The following ACTN2 variants were observed in gnomAD, a reference collection of about 807,000 sequenced individuals.
ACTN2 encodes the protein actinin alpha 2.
A neutral mutation model predicts 113.8 loss-of-function variants in ACTN2; 39 were observed. That is an observed-to-expected ratio of 0.34 (90% CI 0.27 to 0.45). ACTN2 has a LOEUF of 0.45. ACTN2 is among the 20% of genes least tolerant of loss of function. The probability of loss-of-function intolerance (pLI) is 1.00; values close to 1 mark genes in which losing one functional copy is unlikely to be tolerated. For missense variants in ACTN2, 992 were observed against 1,177.9 expected (o/e 0.84, Z 2.31); for synonymous variants, 429 against 444.1 (o/e 0.97, Z 0.43).
chr1:236,736,744 C>G, intron 8 of ACTN2: 1 of 965,498 alleles, frequency 1.0e-6, no homozygotes, highest in Non-Finnish European at 1.6e-6. Flanking sequence ...GAGTCTCCAT[C>G]CCATCGTCAT....
chr1:236,757,527 C>T lies in ACTN2; in HGVS notation c.2196C>T (p.Ala732=), dbSNP rs1558250284. Residue 732 remains alanine (A), a synonymous_variant, in exon 18 of 21, where the codon GCC becomes GCT. Transcript: ENST00000366578. Reference sequence around the variant, plus strand: ...GGGAGCTGCTGCTGACAACCATCGCCAGAACCATCAATGAGGTGGAGACTC... The same window carrying T: ...GGGAGCTGCTGCTGACAACCATCGCTAGAACCATCAATGAGGTGGAGACTC... ...VGWELLLTTI[A]RTINEVETQI... is the part of the protein sequence containing the mutation. 4 of 1,614,142 alleles carry T rather than the reference C, an allele frequency of 2.5e-6. No individual in the cohort carries two copies. The South Asian group carries it at 3.3e-5, about 13-fold the overall frequency.
chr1:236,748,343 C>G (rs530972307), intron 13 of ACTN2, among the ~76,000 whole-genome samples: 7 of 152,186 alleles, frequency 4.6e-5, no homozygotes, highest in African/African-American at 1.7e-4. Context: ...TCTGATGATA[C>G]TTTTGAGATA....
At chr1:236,747,112 A>G (rs1572139547) in intron 12 of ACTN2, among the ~76,000 whole-genome samples, 1 of 152,186 alleles carries the variant, frequency 6.6e-6, no homozygotes, top group Non-Finnish European at 1.5e-5. Context: ...GGACATTGCC[A>G]CTTAGAAATA....
At chr1:236,700,632 T>G (rs1657645668) in intron 1 of ACTN2, among the ~76,000 whole-genome samples, 1 of 152,184 alleles carries the variant, frequency 6.6e-6, no homozygotes, top group South Asian at 2.1e-4. Flanking sequence ...CTGCTTCGAG[T>G]GATAAGCCTG....
At chr1:236,704,775 T>C (rs1657776996) in intron 1 of ACTN2, among the ~76,000 whole-genome samples, 1 of 152,148 alleles carries the variant, frequency 6.6e-6, no homozygotes. Context: ...CCAAACTCCA[T>C]CCTCGTGGGC....
intron 1 of ACTN2, among the ~76,000 whole-genome samples, chr1:236,711,681 G>A (rs1658031271): frequency 6.6e-6 from 1 of 152,148 alleles, no homozygotes; most frequent in African/African-American, 2.4e-5. Flanking sequence ...TTCTTTCTGG[G>A]GATAGATGGT....
chr1:236,739,289 G>A lies in ACTN2; in HGVS notation c.877-13G>A. The A allele has an allele frequency of 6.2e-7, 1 of 1,613,590 alleles. No homozygotes were observed. The highest frequency in any genetic ancestry group is 8.5e-7 in the Non-Finnish European group (1 of 1,179,874). ...CTGGTGTCTTCAGCAGTATTTTTGT[G>A]TTTGCGGAGCAGCTTTTGGAATGGA... On this transcript the variant is annotated splice_polypyrimidine_tract_variant and intron_variant, in intron 9 of 20. Coordinates refer to ENST00000366578, the MANE Select transcript of ACTN2 (RefSeq NM_001103.4).
At chr1:236,742,184 C>G (rs947048860) in intron 10 of ACTN2, among the ~76,000 whole-genome samples, 1 of 151,514 alleles carries the variant, frequency 6.6e-6, no homozygotes, top group Middle Eastern at 3.2e-3. Context: ...CTTGACCCTG[C>G]TTTTTTTTTC....
chr1:236,709,988 G>T (rs1227147340), intron 1 of ACTN2, among the ~76,000 whole-genome samples: 1 of 152,204 alleles, frequency 6.6e-6, no homozygotes, highest in African/African-American at 2.4e-5. Flanking sequence ...AATGATGAAG[G>T]TTGAACAGAT....
At chr1:236,741,470 T>C (rs1199479093) in intron 10 of ACTN2, among the ~76,000 whole-genome samples, 1 of 152,172 alleles carries the variant, frequency 6.6e-6, no homozygotes, top group African/African-American at 2.4e-5. Flanking sequence ...ACTGAACATA[T>C]CCAAAAGAGT....
intron 10 of ACTN2, among the ~76,000 whole-genome samples, chr1:236,740,919 C>T (rs1424257010): frequency 6.6e-6 from 1 of 152,172 alleles, no homozygotes; most frequent in Non-Finnish European, 1.5e-5. Flanking sequence ...AGGCCTTCTC[C>T]ATCTCTGTTC....
Position 236,716,877 on chromosome 1 carries a change from C to G in ACTN2, c.127-981C>G, listed in dbSNP as rs558158333. Among the ~76,000 whole-genome samples, 370 of 143,234 alleles carry G rather than the reference C, an allele frequency of 2.6e-3. 8 individuals are homozygous for G. The highest frequency in any genetic ancestry group is 0.02 in the Admixed American group (274 of 13,712). 94.0% of individuals were successfully genotyped at this position (143,234 alleles called of 152,430 possible). On this transcript the variant is annotated intron_variant, in intron 1 of 20. Transcript: ENST00000366578. The stretch of plus-strand genomic sequence containing the variant: ...TGAGACAGAGTCTCACTCTGTCACC[C>G]AGACTGGAGTGCAGTAGTATGATCT...
intron 1 of ACTN2, among the ~76,000 whole-genome samples, chr1:236,689,739 A>G (rs151213249): frequency 2.0e-5 from 3 of 152,350 alleles, no homozygotes; most frequent in Non-Finnish European, 4.4e-5. Flanking sequence ...GTTTAGGGAT[A>G]TCAATTTCTA....
At chr1:236,761,341 A>C (rs922455511) in intron 20 of ACTN2, among the ~76,000 whole-genome samples, 168 bp downstream of exon 20, 1 of 152,248 alleles carries the variant, frequency 6.6e-6, no homozygotes, top group Non-Finnish European at 1.5e-5. Context: ...TGGCGCGCCC[A>C]GCACAGAGGA....
intron 4 of ACTN2, among the ~76,000 whole-genome samples, chr1:236,724,079 T>A (rs1166046452): frequency 1.3e-5 from 2 of 152,074 alleles, no homozygotes; most frequent in Non-Finnish European, 2.9e-5. Context: ...TTTCTCACAG[T>A]TCTTGAGGCT....
At chr1:236,738,540 CT>C (rs1426384463) in intron 9 of ACTN2, among the ~76,000 whole-genome samples, 14 of 152,214 alleles carry the variant, frequency 9.2e-5, no homozygotes, top group Middle Eastern at 3.2e-3. Context: ...TCAATTCTTC[CT>C]TTTCTTACTG....
rs376155191 is a variant in ACTN2, at chr1:236,759,680, C to T, written c.2302-44C>T. On this transcript the variant is annotated intron_variant, in intron 18 of 20. Transcript: ENST00000366578. The stretch of plus-strand genomic sequence containing the variant: ...CAGTTGGTCAAGTAGAGTTGCTCAT[C>T]TTGCCCTGTGCTCACCTGCTCTGTC... 208 of 1,554,928 alleles carry T rather than the reference C, an allele frequency of 1.3e-4. No individual in the cohort carries two copies. The Middle Eastern group carries it at 1.5e-3, about 11-fold the overall frequency.
intron 12 of ACTN2, 108 bp from the exon 13 acceptor site, chr1:236,747,559 C>A: frequency 1.1e-6 from 1 of 948,298 alleles, no homozygotes; most frequent in Non-Finnish European, 1.7e-6. Context: ...GGATACATTT[C>A]AGATGTTTTT....
chr1:236,694,882 T>C (rs1657434466), intron 1 of ACTN2, among the ~76,000 whole-genome samples: 1 of 149,666 alleles, frequency 6.7e-6, no homozygotes, highest in African/African-American at 2.5e-5. Flanking sequence ...CTGGGCAACA[T>C]AGAGAGACCT....
Sources: allele counts gnomAD v4.1 joint callset (sites outside exome capture counted in the v4.1 genomes callset), GRCh38; gene constraint gnomAD v4.1.1; transcripts MANE v1.5; gene names NCBI Gene and HGNC (gene_info 2026-07-23, HGNC 2026-07-21).